The following RBFOX1 variants were observed in gnomAD, a reference collection of about 807,000 sequenced individuals.
The protein encoded by RBFOX1 is RNA binding protein fox-1 homolog 1.
RBFOX1 carries 8 observed loss-of-function variants against 57.7 expected under a neutral mutation model. The ratio of observed to expected loss-of-function variants is 0.14; its 90% CI spans 0.08 to 0.25. RBFOX1 has a LOEUF of 0.25. Ranked by LOEUF, RBFOX1 falls within the 10% of genes least tolerant of loss-of-function variation. The probability of loss-of-function intolerance (pLI) is 1.00; values close to 1 mark genes in which losing one functional copy is unlikely to be tolerated. For synonymous variants in RBFOX1, 326 were observed against 222.4 expected, an observed-to-expected ratio of 1.47 and a Z score of -4.15; for missense variants, 611 against 548.5, an observed-to-expected ratio of 1.11 and a Z score of -1.14.
At chr16:5,842,136 A>C (rs1022586897) in intron 3 of RBFOX1, among the ~76,000 whole-genome samples, 1 of 152,310 alleles carries the variant, frequency 6.6e-6, no homozygotes, top group Admixed American at 6.5e-5. Flanking sequence ...AAGGAAATGG[A>C]ACCGCTGAAA....
At chr16:6,724,444 G>A (rs1603462315) in intron 3 of RBFOX1, among the ~76,000 whole-genome samples, 1 of 151,980 alleles carries the variant, frequency 6.6e-6, no homozygotes, top group African/African-American at 2.4e-5. Flanking sequence ...CTGACCTCAG[G>A]TGATCCACCC....
At chr16:7,242,363 G>T (rs1034904527) in intron 4 of RBFOX1, among the ~76,000 whole-genome samples, 19 of 152,164 alleles carry the variant, frequency 1.2e-4, no homozygotes, top group African/African-American at 3.6e-4. Context: ...ATGCAGACAG[G>T]TTGTGCCACA....
rs184431195 is a variant in RBFOX1 at position 6,921,121 on chromosome 16, A to G, written c.-15-130936A>G. On this transcript the variant is annotated intron_variant, in intron 3 of 15. Coordinates refer to ENST00000550418, the MANE Select transcript of RBFOX1 (RefSeq NM_018723.4). Reference sequence around the variant, plus strand: ...CTTTGTGACCATTGATAAGTTTCCTAAACTCCCCCAGGCTGCCATCTCTTC... The same window carrying G: ...CTTTGTGACCATTGATAAGTTTCCTGAACTCCCCCAGGCTGCCATCTCTTC... 2.5e-3 allele frequency among the ~76,000 whole-genome samples: 379 copies of G among 152,246 alleles called. 4 individuals are homozygous for G. Among genetic ancestry groups the G allele is most frequent in the Admixed American group, 7.5e-3 (114 of 15,290 alleles).
At chr16:6,507,174 C>T (rs2096122466) in intron 2 of RBFOX1, among the ~76,000 whole-genome samples, 1 of 152,226 alleles carries the variant, frequency 6.6e-6, no homozygotes, top group Non-Finnish European at 1.5e-5. Flanking sequence ...AGATGGCTTC[C>T]TAGCCAGACA....
intron 1 of RBFOX1, among the ~76,000 whole-genome samples, chr16:5,275,944 C>G (rs1430740952): frequency 6.6e-6 from 1 of 152,136 alleles, no homozygotes; most frequent in African/African-American, 2.4e-5. Flanking sequence ...AAAGTACACC[C>G]TATTCAACAA....
At position 6,363,690 on chromosome 16, in the gene RBFOX1, G is replaced by A. The variant is rs532012263; in HGVS notation, c.-64+46633G>A. Among the ~76,000 whole-genome samples, 46 of 152,210 alleles carry A rather than the reference G, an allele frequency of 3.0e-4. No homozygotes were observed. The South Asian group carries it at 5.2e-3, about 17-fold the overall frequency. ...CGAAGATTAAATAGAAAAACACTCC[G>A]GGGCTTAGCTAAAAGGCTAACAGGA... On this transcript the variant is annotated intron_variant, in intron 2 of 15. Transcript: ENST00000550418.
At chr16:7,595,383 G>T (rs535353704) in intron 7 of RBFOX1, among the ~76,000 whole-genome samples, 166 bp from the exon 8 acceptor site, 1 of 152,190 alleles carries the variant, frequency 6.6e-6, no homozygotes, top group South Asian at 2.1e-4. Context: ...CACATTTGTC[G>T]CTTAATTATT....
At position 7,454,814 on chromosome 16, in the gene RBFOX1, G is replaced by T. The variant is rs938885224; in HGVS notation, c.28-63333G>T. Among the ~76,000 whole-genome samples, 4 of 152,090 alleles carry T rather than the reference G, an allele frequency of 2.6e-5. No homozygotes were observed. In the South Asian group the frequency reaches 8.3e-4, roughly 32 times the overall value. ...TTTGAGATTCCTCTTGACCTTCTGG[G>T]TCCTGGGGAAGTCCTCAGGACAAGG... is the stretch of plus-strand genomic sequence containing the variant. On this transcript the variant is annotated intron_variant, in intron 4 of 15. Coordinates refer to ENST00000550418, the MANE Select transcript of RBFOX1 (RefSeq NM_018723.4).
At chr16:6,279,552 C>A (rs1362532287) in intron 1 of RBFOX1, among the ~76,000 whole-genome samples, 1 of 152,166 alleles carries the variant, frequency 6.6e-6, no homozygotes, top group African/African-American at 2.4e-5. Context: ...CTCTGATACG[C>A]TTGTGTAAGT....
intron 4 of RBFOX1, among the ~76,000 whole-genome samples, chr16:5,929,514 G>A (rs1048814534): frequency 1.7e-4 from 26 of 152,056 alleles, no homozygotes; most frequent in Non-Finnish European, 3.2e-4. Context: ...AAGATTAAAG[G>A]ACATAATCTA....
At chr16:5,706,700 C>T (rs2051261268) in intron 3 of RBFOX1, among the ~76,000 whole-genome samples, 1 of 152,052 alleles carries the variant, frequency 6.6e-6, no homozygotes, top group African/African-American at 2.4e-5. Flanking sequence ...GCACTGGTTG[C>T]CAAATGAAAT....
At chr16:5,366,906 T>C (rs1207921789) in intron 1 of RBFOX1, among the ~76,000 whole-genome samples, 1 of 152,184 alleles carries the variant, frequency 6.6e-6, no homozygotes, top group Non-Finnish European at 1.5e-5. Flanking sequence ...TAAGTATGAA[T>C]GGAATGTTAT....
At chr16:5,548,803 A>C (rs2045338195) in intron 2 of RBFOX1, among the ~76,000 whole-genome samples, 1 of 152,196 alleles carries the variant, frequency 6.6e-6, no homozygotes, top group Non-Finnish European at 1.5e-5. Flanking sequence ...CACTAAATTC[A>C]ACCTTCTCTC....
intron 3 of RBFOX1, among the ~76,000 whole-genome samples, chr16:6,875,788 T>G (rs996035482): frequency 6.6e-6 from 1 of 152,102 alleles, no homozygotes; most frequent in African/African-American, 2.4e-5. Context: ...CAGGATTATT[T>G]GAGGCCAGGA....
intron 1 of RBFOX1, among the ~76,000 whole-genome samples, chr16:6,171,194 A>G (rs888251357): frequency 8.5e-5 from 13 of 152,116 alleles, no homozygotes; most frequent in African/African-American, 2.7e-4. Context: ...CTTTGTCTAT[A>G]TATGCAGGTA....
chr16:7,283,843 A>G (rs893642068), intron 4 of RBFOX1, among the ~76,000 whole-genome samples: 27 of 152,176 alleles, frequency 1.8e-4, no homozygotes, highest in Non-Finnish European at 3.2e-4. Context: ...ACAGTTCTTC[A>G]AGTTTCAATA....
intron 1 of RBFOX1, among the ~76,000 whole-genome samples, chr16:6,211,820 T>TTTTATTTATTTATTTATTTA (rs200566514): frequency 7.1e-6 from 1 of 140,812 alleles, no homozygotes; most frequent in Non-Finnish European, 1.5e-5. Flanking sequence ...GGAATACATC[T>TTTTATTTATTTATTTATTTA]TTTATTTATT....
At chr16:5,603,426 G>T (rs927763557), downstream of RBFOX1, among the ~76,000 whole-genome samples, 1 of 152,136 alleles carries the variant, frequency 6.6e-6, no homozygotes, top group African/African-American at 2.4e-5. Flanking sequence ...ACCCAGATTG[G>T]GCTGTTTCCC....
In RBFOX1 at chr16:6,574,619, G is replaced by A. The variant is rs1337244125; in HGVS notation, c.-63-79984G>A. ...AATTTTTTGTATTTTTAGTAGAGAC[G>A]GGGTTTCACCGTTTTAGCCGGGATG... On this transcript the variant is annotated intron_variant, in intron 2 of 15. Transcript: ENST00000550418. Among the ~76,000 whole-genome samples, 6 of 148,644 alleles carry A rather than the reference G, an allele frequency of 4.0e-5. 1 individual carries two copies. The highest frequency in any genetic ancestry group is 6.0e-5 in the Non-Finnish European group (4 of 66,814).
Sources: gnomAD v4.1 joint callset for allele counts (sites outside exome capture counted in the v4.1 genomes callset) on GRCh38, gnomAD v4.1.1 for gene constraint, MANE v1.5 for transcripts, NCBI Gene and HGNC (gene_info 2026-07-23, HGNC 2026-07-21) for gene names.